Variants in PLEKHA1 observed in about 807,000 individuals in gnomAD.
The protein encoded by PLEKHA1 is pleckstrin homology domain-containing family A member 1.
PLEKHA1 carries 34 observed loss-of-function variants against 52.0 expected under a neutral mutation model. The observed-to-expected ratio is 0.65, with a 90% CI of 0.50 to 0.87. The LOEUF is 0.87. Among genes scored for constraint, PLEKHA1 ranks in the 40% least tolerant of loss-of-function variants. The pLI, the probability that PLEKHA1 is intolerant of heterozygous loss-of-function variation, is 0.00. For missense variants in PLEKHA1, 497 were observed against 504.2 expected (o/e 0.99, Z 0.14); for synonymous variants, 163 against 170.7 (o/e 0.95, Z 0.35).
intron 3 of PLEKHA1, 25 bp downstream of exon 3, chr10:122,397,999 C>T (rs1430372151): frequency 3.2e-6 from 5 of 1,573,614 alleles, no homozygotes; most frequent in Non-Finnish European, 4.4e-6. Flanking sequence ...TTGTCTTATA[C>T]TCGTGTGAAT....
At chr10:122,423,212 T>C (rs2133450462) in intron 8 of PLEKHA1, 1 of 149,708 alleles carries the variant, frequency 6.7e-6, no homozygotes, top group African/African-American at 2.5e-5. Context: ...TCACCAGAGG[T>C]CAGGAGTTTG....
intron 5 of PLEKHA1, among the ~76,000 whole-genome samples, chr10:122,407,289 T>C (rs574263567): frequency 6.6e-6 from 1 of 152,336 alleles, no homozygotes; most frequent in Admixed American, 6.5e-5. Flanking sequence ...TCCTTTCCCA[T>C]GCTACAATTT....
At chr10:122,398,090 T>G in intron 3 of PLEKHA1, 116 bp downstream of exon 3, 1 of 757,534 alleles carries the variant, frequency 1.3e-6, no homozygotes, top group East Asian at 2.5e-5. Flanking sequence ...CAGATTCCTA[T>G]CATACTGAAA....
chr10:122,395,273 G>GT (rs200782813), intron 2 of PLEKHA1, among the ~76,000 whole-genome samples: 14 of 150,782 alleles, frequency 9.3e-5, no homozygotes, highest in Non-Finnish European at 1.6e-4. Context: ...CACAGTGCCA[G>GT]TTTTTTTTTT....
intron 1 of PLEKHA1, among the ~76,000 whole-genome samples, chr10:122,375,198 AG>A (rs1389729706): frequency 1.3e-5 from 2 of 151,798 alleles, no homozygotes; most frequent in East Asian, 3.9e-4. Context: ...CCGCCCCCCG[AG>A]AAATCCCGCT....
chr10:122,410,976 A>G (rs1300145117), intron 5 of PLEKHA1, among the ~76,000 whole-genome samples: 2 of 152,200 alleles, frequency 1.3e-5, no homozygotes, highest in Non-Finnish European at 2.9e-5. Context: ...CTCTGTCAGA[A>G]TAATTGAAAT....
rs138126795 is a variant in PLEKHA1 at position 122,429,683 on chromosome 10, C to T, written c.960C>T (p.Thr320=). 387 of 1,614,110 alleles carry T rather than the reference C, an allele frequency of 2.4e-4. 1 individual carries two copies. In the African/African-American group the frequency reaches 4.7e-3, roughly 19 times the overall value. The change falls in exon 12 of 12, where the codon ACC becomes ACT. Residue 320 remains threonine, a synonymous_variant. Coordinates refer to ENST00000368990, the MANE Select transcript of PLEKHA1 (RefSeq NM_001001974.4). ...KHAFRPTNAA[T]ATSHSTASRS... is the part of the protein sequence containing the mutation. ...CTTTCCGTCCTACCAACGCAGCCAC[C>T]GCCACCTCACATTCCACAGCCTCTC...
chr10:122,374,857 G>C (rs1206752616), intron 1 of PLEKHA1, 51 bp downstream of exon 1: 1 of 153,122 alleles, frequency 6.5e-6, no homozygotes, highest in East Asian at 1.9e-4. Flanking sequence ...GGTGGTGGAC[G>C]GGGCCAGGCG....
chr10:122,388,293 G>A (rs1045639827), intron 1 of PLEKHA1, among the ~76,000 whole-genome samples: 1 of 152,034 alleles, frequency 6.6e-6, no homozygotes, highest in Admixed American at 6.6e-5. Context: ...TTTTCATTTA[G>A]CATGTTTCTG....
intron 1 of PLEKHA1, among the ~76,000 whole-genome samples, chr10:122,384,133 T>C (rs1420218613): frequency 6.6e-6 from 1 of 152,226 alleles, no homozygotes; most frequent in Non-Finnish European, 1.5e-5. Flanking sequence ...TATATCTCTC[T>C]TGGTACAATG....
At chr10:122,414,657 TAA>T (rs1159150144) in intron 6 of PLEKHA1, among the ~76,000 whole-genome samples, 2 of 151,774 alleles carry the variant, frequency 1.3e-5, no homozygotes, top group Non-Finnish European at 2.9e-5. Context: ...CATCAAAAGA[TAA>T]AAGATAAACA....
chr10:122,382,178 G>T (rs751510154), intron 1 of PLEKHA1, among the ~76,000 whole-genome samples: 31 of 152,164 alleles, frequency 2.0e-4, no homozygotes, highest in Non-Finnish European at 4.0e-4. Context: ...TAAAATGTAT[G>T]ATTTAGTGCA....
intron 8 of PLEKHA1, 109 bp downstream of exon 8, chr10:122,418,077 T>A: frequency 1.3e-6 from 1 of 756,896 alleles, no homozygotes; most frequent in Non-Finnish European, 2.1e-6. Context: ...ATAAGTCTAG[T>A]TTTTAGAGGT....
intron 6 of PLEKHA1, among the ~76,000 whole-genome samples, chr10:122,413,927 C>T (rs2097140202): frequency 6.6e-6 from 1 of 152,028 alleles, no homozygotes; most frequent in Non-Finnish European, 1.5e-5. Flanking sequence ...CCACATTTTT[C>T]AGGTCTTTTG....
chr10:122,421,786 A>G (rs1175942700), intron 8 of PLEKHA1: 1 of 152,216 alleles, frequency 6.6e-6, no homozygotes, highest in Non-Finnish European at 1.5e-5. Flanking sequence ...GCAAATTAAA[A>G]CTGCAATGAA....
At chr10:122,387,827 C>G (rs575174538) in intron 1 of PLEKHA1, 2 of 152,332 alleles carry the variant, frequency 1.3e-5, no homozygotes, top group South Asian at 2.1e-4. Context: ...CACAACGGGG[C>G]AGTCTGAAGG....
chr10:122,415,511 G>A (rs529963952), intron 6 of PLEKHA1, among the ~76,000 whole-genome samples: 14 of 152,292 alleles, frequency 9.2e-5, no homozygotes, highest in African/African-American at 3.4e-4. Flanking sequence ...ATAATGTTAC[G>A]CCGTTTCCCT....
At chr10:122,424,793 T>C (rs2133533900) in intron 9 of PLEKHA1, 103 bp from the exon 10 acceptor site, 1 of 779,170 alleles carries the variant, frequency 1.3e-6, no homozygotes, top group Non-Finnish European at 2.0e-6. Context: ...ATCAGTGCTT[T>C]ACCTCATTTA....
At chr10:122,427,537 C>T (rs1005045170) in intron 11 of PLEKHA1, among the ~76,000 whole-genome samples, 1 of 152,212 alleles carries the variant, frequency 6.6e-6, no homozygotes, top group African/African-American at 2.4e-5. Flanking sequence ...CAGTTCAGTG[C>T]TCCCAGTGTT....
Sources: allele counts gnomAD v4.1 joint callset (sites outside exome capture counted in the v4.1 genomes callset), GRCh38; gene constraint gnomAD v4.1.1; transcripts MANE v1.5; gene names NCBI Gene and HGNC (gene_info 2026-07-23, HGNC 2026-07-21).